COPG2: variants seen among roughly 807,000 people sequenced by gnomAD.
The protein encoded by COPG2 is coat protein complex I subunit gamma 2, also known as coatomer subunit gamma-2.
COPG2 carries 37 observed loss-of-function variants against 46.3 expected under a neutral mutation model. The ratio of observed to expected loss-of-function variants is 0.80; its 90% confidence interval spans 0.61 to 1.05. The LOEUF is 1.05. COPG2 is among the 50% of genes least tolerant of loss of function. COPG2 has a pLI of 0.00. For synonymous variants in COPG2, 159 were observed against 129.7 expected (o/e 1.23, Z -1.53); for missense variants, 427 against 387.8 (o/e 1.10, Z -0.85).
chr7:130,575,041 G>C (rs1029223237), intron 9 of COPG2, among the ~76,000 whole-genome samples: 1 of 152,112 alleles, frequency 6.6e-6, no homozygotes, highest in African/African-American at 2.4e-5. Context: ...AAGACTCCAA[G>C]AAGTCTGGGA....
At chr7:130,552,764 T>C (rs986591387) in intron 14 of COPG2, among the ~76,000 whole-genome samples, 32 of 152,248 alleles carry the variant, frequency 2.1e-4, no homozygotes, top group Non-Finnish European at 4.3e-4. Flanking sequence ...GCCCCAAGCA[T>C]AAAAAGAAAT....
chr7:130,531,920 T>C (rs1799830213), intron 20 of COPG2, among the ~76,000 whole-genome samples: 1 of 152,020 alleles, frequency 6.6e-6, no homozygotes, highest in African/African-American at 2.4e-5. Flanking sequence ...GGGTAAGCAG[T>C]GTTCAGCTCA....
At chr7:130,615,510 T>C (rs1415185658) in intron 6 of COPG2, among the ~76,000 whole-genome samples, 2 of 152,224 alleles carry the variant, frequency 1.3e-5, no homozygotes, top group South Asian at 2.1e-4. Context: ...TTTGATCAGG[T>C]AGATCTTTCC....
At chr7:130,611,402 C>A (rs1042332015) in intron 8 of COPG2, among the ~76,000 whole-genome samples, 1 of 152,176 alleles carries the variant, frequency 6.6e-6, no homozygotes, top group Non-Finnish European at 1.5e-5. Flanking sequence ...TCAGTACACA[C>A]GCTCTCGGGT....
chr7:130,546,098 T>C (rs1793438753), intron 20 of COPG2, among the ~76,000 whole-genome samples: 1 of 152,178 alleles, frequency 6.6e-6, no homozygotes, highest in African/African-American at 2.4e-5. Context: ...CCTCTGAAAT[T>C]AAGTGGCAAA....
chr7:130,555,555 G>A (rs1055346566), intron 12 of COPG2, among the ~76,000 whole-genome samples: 3 of 152,136 alleles, frequency 2.0e-5, no homozygotes, highest in Non-Finnish European at 4.4e-5. Context: ...AGCCAGGCAC[G>A]GTGGCTAATG....
At chr7:130,667,054 T>C in intron 2 of COPG2, 125 bp from the exon 3 acceptor site, 1 of 589,876 alleles carries the variant, frequency 1.7e-6, no homozygotes. Flanking sequence ...TAGTTCTCAA[T>C]TTACTAAGGT....
At chr7:130,628,622 T>C (rs1386041840) in intron 5 of COPG2, among the ~76,000 whole-genome samples, 1 of 152,256 alleles carries the variant, frequency 6.6e-6, no homozygotes, top group Non-Finnish European at 1.5e-5. Context: ...CCCTGGCTTG[T>C]TTCCAGTGTT....
intron 5 of COPG2, among the ~76,000 whole-genome samples, chr7:130,617,967 G>C (rs183631233): frequency 1.3e-5 from 2 of 151,882 alleles, no homozygotes; most frequent in Admixed American, 6.6e-5. Context: ...CTGGTGTTGT[G>C]GGGTGTGCCT....
In COPG2 at chr7:130,543,475, C is replaced by T. The variant is rs954833999; in HGVS notation, c.2149+4199G>A. 2.0e-5 allele frequency among the ~76,000 whole-genome samples: 3 copies of T among 152,262 alleles called. No individual in the cohort carries two copies. In the East Asian group the frequency reaches 5.8e-4, roughly 29 times the overall value. Reference sequence around the variant, plus strand: ...GAATGCTTAGAGTCAGGAGAATAAACGGTCCCATATAGAGATAGGTTTATG... The same window carrying T: ...GAATGCTTAGAGTCAGGAGAATAAATGGTCCCATATAGAGATAGGTTTATG... On this transcript the variant is annotated intron_variant, in intron 20 of 23. Transcript: ENST00000425248.
Position 130,557,817 on chromosome 7 carries a change from C to CAAAAAAAAAAA in COPG2, c.1129-2696_1129-2686dup, listed in dbSNP as rs1382087826. ...GGGCAGCAAGAATGAAACTCCATCT[C>CAAAAAAAAAAA]AAAAAAAAAAAAAAAAAAAAATCAT... On this transcript the variant is annotated intron_variant, in intron 12 of 23. Transcript: ENST00000425248. Among the ~76,000 whole-genome samples, 10 of 12,230 alleles carry CAAAAAAAAAAA rather than the reference C, an allele frequency of 8.2e-4. 2 individuals carry two copies. Among genetic ancestry groups the CAAAAAAAAAAA allele is most frequent in the African/African-American group, 3.0e-3 (7 of 2,370 alleles). 8.0% of individuals were successfully genotyped at this position (12,230 alleles called of 152,430 possible).
At chr7:130,535,919 G>A (rs1304529540) in intron 20 of COPG2, among the ~76,000 whole-genome samples, 1 of 152,090 alleles carries the variant, frequency 6.6e-6, no homozygotes, top group Admixed American at 6.5e-5. Context: ...TAAAGGGCTG[G>A]TTTCTGGGAA....
chr7:130,559,374 G>A lies in COPG2; in HGVS notation c.1128+1659C>T, dbSNP rs893826030. Among the ~76,000 whole-genome samples, 31 of 152,228 alleles carry A rather than the reference G, an allele frequency of 2.0e-4. No homozygotes were observed. The Middle Eastern group carries it at 0.01, about 50-fold the overall frequency. On this transcript the variant is annotated intron_variant, in intron 12 of 23. Transcript: ENST00000425248. ...GGGCCGGAGAACCCACTCACACACT[G>A]AGCTCACTGCTCTCAGTATCTCTTT...
intron 5 of COPG2, among the ~76,000 whole-genome samples, chr7:130,625,728 A>C (rs1795107228): frequency 6.6e-6 from 1 of 151,818 alleles, no homozygotes; most frequent in African/African-American, 2.4e-5. Flanking sequence ...ATTTTTTCAA[A>C]AATAGGATTT....
chr7:130,624,151 C>T (rs1025780365), intron 5 of COPG2, among the ~76,000 whole-genome samples: 3 of 152,004 alleles, frequency 2.0e-5, no homozygotes, highest in African/African-American at 4.8e-5. Context: ...TAATTCCAAT[C>T]CCAAGGGCTC....
At chr7:130,562,796 A>C (rs984225190) in intron 11 of COPG2, among the ~76,000 whole-genome samples, 1 of 152,202 alleles carries the variant, frequency 6.6e-6, no homozygotes, top group Non-Finnish European at 1.5e-5. Context: ...GTTATTATGA[A>C]ATTTAATATT....
intron 9 of COPG2, among the ~76,000 whole-genome samples, chr7:130,572,668 G>T (rs1584977896): frequency 6.6e-6 from 1 of 151,978 alleles, no homozygotes; most frequent in African/African-American, 2.4e-5. Context: ...GAAGTTGAAT[G>T]AAAATGAAAA....
At chr7:130,643,800 A>T (rs1347353784) in intron 5 of COPG2, among the ~76,000 whole-genome samples, 3 of 151,944 alleles carry the variant, frequency 2.0e-5, no homozygotes, top group African/African-American at 4.8e-5. Context: ...ATCTCTATTT[A>T]AAAAAAACAC....
At chr7:130,533,153 A>T (rs1241170509) in intron 20 of COPG2, among the ~76,000 whole-genome samples, 1 of 152,064 alleles carries the variant, frequency 6.6e-6, no homozygotes, top group African/African-American at 2.4e-5. Flanking sequence ...TGTTGAGAGG[A>T]TCAGGGAATA....
Sources: gnomAD v4.1 joint callset for allele counts (sites outside exome capture counted in the v4.1 genomes callset) on GRCh38, gnomAD v4.1.1 for gene constraint, MANE v1.5 for transcripts, NCBI Gene and HGNC (gene_info 2026-07-23, HGNC 2026-07-21) for gene names.